Variants in PCDHA7 observed in about 807,000 individuals in gnomAD.
The protein encoded by PCDHA7 is protocadherin alpha-7.
A neutral mutation model predicts 57.2 loss-of-function variants in PCDHA7; 37 were observed. The ratio of observed to expected loss-of-function variants is 0.65; its 90% confidence interval spans 0.50 to 0.85. PCDHA7 has a LOEUF of 0.85. PCDHA7 is among the 40% of genes least tolerant of loss of function. The pLI is 0.00. For missense variants in PCDHA7, 1,188 were observed against 1,241.8 expected (o/e 0.96, Z 0.65); for synonymous variants, 553 against 558.8 (o/e 0.99, Z 0.15).
intron 1 of PCDHA7, chr5:140,853,603 G>T (rs1358386755): frequency 1.0e-6 from 1 of 987,254 alleles, no homozygotes; most frequent in Non-Finnish European, 1.2e-6. Context: ...GAGAGCAAAG[G>T]GGGTGCTGTA....
At chr5:140,984,980 C>T (rs1206801991) in intron 3 of PCDHA7, among the ~76,000 whole-genome samples, 1 of 152,092 alleles carries the variant, frequency 6.6e-6, no homozygotes, top group African/African-American at 2.4e-5. Context: ...CTCTGTCCCC[C>T]AGGCTGGAGT....
At chr5:140,849,528 G>T in intron 1 of PCDHA7, 4 of 1,597,792 alleles carry the variant, frequency 2.5e-6, no homozygotes, top group Non-Finnish European at 3.4e-6. Flanking sequence ...GGATGTAAAT[G>T]ACAATGCTCC....
At chr5:140,966,927 C>A in intron 1 of PCDHA7, 1 of 1,603,516 alleles carries the variant, frequency 6.2e-7, no homozygotes, top group Non-Finnish European at 8.5e-7. Context: ...GAGCAGGCAC[C>A]CGGCGCGCTC....
intron 1 of PCDHA7, among the ~76,000 whole-genome samples, chr5:140,920,380 T>C (rs1386655132): frequency 2.0e-5 from 3 of 152,246 alleles, no homozygotes; most frequent in Non-Finnish European, 4.4e-5. Flanking sequence ...TGTGGATTCA[T>C]ATTACCATCT....
In PCDHA7 at chr5:140,906,646, G is replaced by T. The variant is rs1473127161; in HGVS notation, c.2355+69908G>T. On this transcript the variant is annotated intron_variant, in intron 1 of 3. Coordinates refer to ENST00000525929, the MANE Select transcript of PCDHA7 (RefSeq NM_018910.3). ...TCAGCAAGCACCTCAGCAGGTAGTG[G>T]TTTTTTCCTGGTGTAGTGACCCAAA... Among the ~76,000 whole-genome samples the T allele has an allele frequency of 2.0e-5, 3 of 152,192 alleles. No individual in the cohort carries two copies. In the East Asian group the frequency reaches 5.8e-4, roughly 29 times the overall value.
At position 140,982,295 on chromosome 5, in the gene PCDHA7, G is replaced by A. The variant is rs1047633434; in HGVS notation, c.2415-180G>A. ...AGTATAGCAGGCAATAAGTAAGTCA[G>A]CAATGCTTCTGCAGTTTATGCAGGG... On this transcript the variant is annotated intron_variant, in intron 2 of 3. Coordinates refer to ENST00000525929, the MANE Select transcript of PCDHA7 (RefSeq NM_018910.3). The A allele has an allele frequency of 3.4e-6, 4 of 1,160,172 alleles. No homozygotes were observed. In the Admixed American group the frequency reaches 8.4e-5, roughly 25 times the overall value. 71.9% of individuals were successfully genotyped at this position (1,160,172 alleles called of 1,614,324 possible).
Position 140,958,669 on chromosome 5 carries a change from A to G in PCDHA7, c.2356-20280A>G, listed in dbSNP as rs570899981. On this transcript the variant is annotated intron_variant, in intron 1 of 3. Coordinates refer to ENST00000525929, the MANE Select transcript of PCDHA7 (RefSeq NM_018910.3). ...CACAGAAAGCTATGATGAAATTTTA[A>G]TTATAAAGGATATTGAATATCCTAG... Among the ~76,000 whole-genome samples, 3 of 152,316 alleles carry G rather than the reference A, an allele frequency of 2.0e-5. No individual in the cohort carries two copies. In the East Asian group the frequency reaches 5.8e-4, roughly 29 times the overall value.
Position 140,884,183 on chromosome 5 carries a change from G to T in PCDHA7, c.2355+47445G>T, listed in dbSNP as rs201206731. 6.2e-6 allele frequency: 10 copies of T among 1,613,306 alleles called. No individual in the cohort carries two copies. The East Asian group carries it at 6.7e-5, about 11-fold the overall frequency. The stretch of plus-strand genomic sequence containing the variant: ...GATCAGCACGACGCGCCCTCTGGAC[G>T]AGGTGGACGCGCCGCACCACCGCCT... On this transcript the variant is annotated intron_variant, in intron 1 of 3. Transcript: ENST00000525929.
At chr5:140,900,667 G>A (rs557447526) in intron 1 of PCDHA7, among the ~76,000 whole-genome samples, 12 of 152,222 alleles carry the variant, frequency 7.9e-5, no homozygotes, top group Non-Finnish European at 1.6e-4. Flanking sequence ...CAATGGGAGT[G>A]CAGTTATCTC....
intron 1 of PCDHA7, among the ~76,000 whole-genome samples, chr5:140,904,631 G>A (rs150616068): frequency 0.029 from 4,338 of 152,074 alleles, 82 homozygotes; most frequent in Non-Finnish European, 0.044. Flanking sequence ...GTTCTTTAAG[G>A]AATCTCCACA....
intron 3 of PCDHA7, among the ~76,000 whole-genome samples, chr5:140,998,010 C>A (rs2097793505): frequency 6.6e-6 from 1 of 152,096 alleles, no homozygotes; most frequent in Admixed American, 6.6e-5. Flanking sequence ...GCCTTCCATC[C>A]CCACCTCGAG....
At chr5:140,925,092 AGGAAGGAAGGAAGGAG>A (rs1190692996) in intron 1 of PCDHA7, among the ~76,000 whole-genome samples, 1 of 151,410 alleles carries the variant, frequency 6.6e-6, no homozygotes, top group Non-Finnish European at 1.5e-5. Flanking sequence ...AAAGGAAGGA[AGGAAGGAAGGAAGGAG>A]GGAAGGAAGG....
chr5:140,848,115 A>G, intron 1 of PCDHA7: 1 of 178,506 alleles, frequency 5.6e-6, no homozygotes, highest in Non-Finnish European at 1.2e-5. Flanking sequence ...TAAGAAAACC[A>G]CAATCAAGGT....
intron 1 of PCDHA7, among the ~76,000 whole-genome samples, chr5:140,855,354 G>T (rs1250277544): frequency 6.7e-6 from 1 of 149,904 alleles, no homozygotes; most frequent in Non-Finnish European, 1.5e-5. Context: ...AAGTCATGTG[G>T]CTAGTGAGTA....
At chr5:140,881,376 C>G in intron 1 of PCDHA7, 5 of 984,754 alleles carry the variant, frequency 5.1e-6, no homozygotes, top group Non-Finnish European at 6.0e-6. Context: ...GAATTGCAGC[C>G]GGCGGCGGTA....
At chr5:140,882,332 G>T (rs782439110) in intron 1 of PCDHA7, 20 of 1,614,060 alleles carry the variant, frequency 1.2e-5, no homozygotes, top group Non-Finnish European at 1.7e-5. Flanking sequence ...TCTGATCCTC[G>T]CAGCCTGGGA....
At chr5:140,938,476 T>A (rs1393084209) in intron 1 of PCDHA7, among the ~76,000 whole-genome samples, 2 of 152,194 alleles carry the variant, frequency 1.3e-5, no homozygotes, top group African/African-American at 2.4e-5. Context: ...TTATGTTTTT[T>A]AAAAATCATG....
chr5:140,836,524 C>G lies in PCDHA7; in HGVS notation c.2141C>G (p.Thr714Ser), dbSNP rs2150262831. ...GCGGTGTCCAGTCTGTTGGTGCTTACCCTGCTGCTGTACACGGCGTTGCGG... is the reference window on the plus strand; with the variant it reads ...GCGGTGTCCAGTCTGTTGGTGCTTAGCCTGCTGCTGTACACGGCGTTGCGG... Reference protein sequence around the residue: ...ICAVSSLLVLTLLLYTALRCS... With the variant: ...ICAVSSLLVLSLLLYTALRCS... Residue 714 changes from threonine (T) to serine (S), a missense_variant, in exon 1 of 4, where the codon ACC becomes AGC. Around this residue, in one of 3 missense-constraint regions of PCDHA7, gnomAD observed 892 missense variants for 788.5 expected, o/e 1.13. Transcript: ENST00000525929. 6.2e-7 allele frequency: 1 copy of G among 1,613,834 alleles called. No individual in the cohort carries two copies. The highest frequency in any genetic ancestry group is 1.1e-5 in the South Asian group (1 of 91,078).
chr5:140,969,491 C>T (rs2096337176), intron 1 of PCDHA7: 8 of 1,449,294 alleles, frequency 5.5e-6, no homozygotes, highest in Non-Finnish European at 7.3e-6. Context: ...CTGCTATTTC[C>T]TCTCTAGAAA....
Sources: gnomAD v4.1 joint callset for allele counts (sites outside exome capture counted in the v4.1 genomes callset) on GRCh38, gnomAD v4.1.1 for gene constraint, gnomAD v4.1.1 regional missense constraint, MANE v1.5 for transcripts, NCBI Gene and HGNC (gene_info 2026-07-23, HGNC 2026-07-21) for gene names.